Variants in BRD2 observed in about 807,000 individuals in gnomAD.
BRD2 encodes bromodomain-containing protein 2.
A neutral mutation model predicts 79.1 loss-of-function variants in BRD2; 15 were observed. The ratio of observed to expected loss-of-function variants is 0.19; its 90% CI spans 0.13 to 0.29. The LOEUF (loss-of-function observed/expected upper bound fraction) is 0.29. Ranked by LOEUF, BRD2 falls within the 10% of genes least tolerant of loss-of-function variation. The probability of loss-of-function intolerance (pLI) is 1.00; values close to 1 mark genes in which losing one functional copy is unlikely to be tolerated. For synonymous variants in BRD2, 488 were observed against 358.6 expected (o/e 1.36, Z -4.08); for missense variants, 1,053 against 991.3 (o/e 1.06, Z -0.84).
chr6:32,974,741 G>T lies in BRD2; in HGVS notation c.309G>T (p.Val103=), dbSNP rs772456832. ...TCGCATGGCCATTCCGGCAGCCTGTGGATGCTGTCAAACTGGGTCTACCGG... is the reference window on the plus strand; with the variant it reads ...TCGCATGGCCATTCCGGCAGCCTGTTGATGCTGTCAAACTGGGTCTACCGG... ...HQFAWPFRQP[V]DAVKLGLPDY... is the part of the protein sequence containing the mutation. The change falls in exon 3 of 13, where the codon GTG becomes GTT. Residue 103 remains valine, a synonymous_variant. Coordinates refer to ENST00000374825, the MANE Select transcript of BRD2 (RefSeq NM_005104.4). 6 of 1,614,000 alleles carry T rather than the reference G, an allele frequency of 3.7e-6. No homozygotes were observed. In the East Asian group the frequency reaches 1.3e-4, roughly 36 times the overall value.
chr6:32,969,234 G>A (rs766960809), intron 1 of BRD2, 178 bp downstream of exon 1: 4 of 619,338 alleles, frequency 6.5e-6, no homozygotes, highest in Admixed American at 2.4e-5. Context: ...AGGGCCATGG[G>A]GGGGGAGGGG....
intron 2 of BRD2, 95 bp from the exon 3 acceptor site, chr6:32,974,367 A>ACT: frequency 2.3e-6 from 3 of 1,324,046 alleles, no homozygotes; most frequent in Non-Finnish European, 3.1e-6. Flanking sequence ...TAACCACCTC[A>ACT]CTAGGGCCAG....
chr6:32,971,426 C>T (rs1206064253), intron 1 of BRD2, among the ~76,000 whole-genome samples, 169 bp from the exon 2 acceptor site: 1 of 152,086 alleles, frequency 6.6e-6, no homozygotes, highest in Non-Finnish European at 1.5e-5. Flanking sequence ...GTCTTTCCAT[C>T]GTTTGGCTTG....
In BRD2 at chr6:32,977,832, A is replaced by G. The variant is rs201908033; in HGVS notation, c.1405A>G (p.Met469Val). 4 of 1,613,000 alleles carry G rather than the reference A, an allele frequency of 2.5e-6. No homozygotes were observed. Among genetic ancestry groups the G allele is most frequent in the South Asian group, 2.2e-5 (2 of 91,090 alleles). Residue 469 changes from methionine to valine, a missense_variant, in exon 9 of 13, where the codon ATG becomes GTG. Coordinates refer to ENST00000374825, the MANE Select transcript of BRD2 (RefSeq NM_005104.4). ...EPGPLPVSTA[M>V]PPGLAKSSSE... ...AGGGCCTTTACCAGTCTCTACTGCC[A>G]TGCCCCCTGGCTTGGCCAAATCGTC...
chr6:32,974,602 C>T lies in BRD2; in HGVS notation c.170C>T (p.Thr57Ile), dbSNP rs572424072. Reference protein sequence around the residue: ...TMASVPALQLTPANPPPPEVS... With the variant: ...TMASVPALQLIPANPPPPEVS... ...GCTTCGGTGCCTGCTTTGCAACTTACCCCTGCCAACCCACCACCCCCGGAG... is the reference window on the plus strand; with the variant it reads ...GCTTCGGTGCCTGCTTTGCAACTTATCCCTGCCAACCCACCACCCCCGGAG... The change falls in exon 3 of 13, where the codon ACC becomes ATC. Residue 57 changes from threonine (T) to isoleucine (I), a missense_variant. This residue lies in a region of BRD2 where 413 missense variants were observed against 335.1 expected (regional missense o/e 1.23). Transcript: ENST00000374825. 8 of 1,614,232 alleles carry T rather than the reference C, an allele frequency of 5.0e-6. No homozygotes were observed. Among genetic ancestry groups the T allele is most frequent in the South Asian group, 4.4e-5 (4 of 91,086 alleles).
chr6:32,980,698 A>G lies in BRD2; in HGVS notation c.2386A>G (p.Ser796Gly). The G allele has an allele frequency of 6.2e-7, 1 of 1,612,986 alleles. No homozygotes were observed. Among genetic ancestry groups the G allele is most frequent in the Non-Finnish European group, 8.5e-7 (1 of 1,180,032 alleles). Reference protein sequence around the residue: ...SSSSSSSSDTSDSDSG With the variant: ...SSSSSSSSDTGDSDSG ...TTCCTCGTCGTCGTCTTCAGACACC[A>G]GTGATTCAGACTCAGGCTAAGGGGT... Residue 796 changes from serine to glycine, a missense_variant, in exon 13 of 13, where the codon AGT (serine) becomes GGT (glycine). By Grantham distance (56) the Ser-to-Gly change is moderately conservative. This residue lies in a region of BRD2 where 139 missense variants were observed against 133.2 expected (regional missense o/e 1.04). Transcript: ENST00000374825.
chr6:32,972,614 C>T lies in BRD2; in HGVS notation c.-285C>T, dbSNP rs1248188544. ...GACGACGGTGTCTGAGATCGGGGAC[C>T]GTCTTTTGAAGAGTCAGTCCCTCCT... On this transcript the variant is annotated 5_prime_UTR_variant, in exon 2 of 13. Transcript: ENST00000374825. The T allele has an allele frequency of 1.8e-5, 10 of 568,996 alleles. No homozygotes were observed. Among genetic ancestry groups the T allele is most frequent in the East Asian group, 9.0e-5 (3 of 33,496 alleles). The allele number at this position is 568,996 out of a possible 1,614,324, so 35.2% of individuals were successfully genotyped here.
At chr6:32,973,193 G>C in intron 2 of BRD2, 1 of 1,522,420 alleles carries the variant, frequency 6.6e-7, no homozygotes, top group Non-Finnish European at 8.9e-7. Context: ...GGCAGAGCTA[G>C]TTTGACGGTG....
chr6:32,980,668 T>A lies in BRD2; in HGVS notation c.2356T>A (p.Ser786Thr), dbSNP rs745345749. ...CAGCTCCAGCTCAGATTCCAGCTCC[T>A]CCTCTTCCTCGTCGTCGTCTTCAGA... ...ASSSSSDSSS[S>T]SSSSSSSDTS... Residue 786 changes from serine (S) to threonine (T), a missense_variant, in exon 13 of 13, where the codon TCC becomes ACC. Transcript: ENST00000374825. 8 of 1,613,004 alleles carry A rather than the reference T, an allele frequency of 5.0e-6. No individual in the cohort carries two copies. The highest frequency in any genetic ancestry group is 5.1e-6 in the Non-Finnish European group (6 of 1,180,038).
rs1023116604 is a variant in BRD2 at position 32,972,159 on chromosome 6, C to T, written c.-740C>T. ...CGCATGAGCGGCGAAGCTCCTCCTC[C>T]CCGCCTATATATAAAGGGCTGGCGC... On this transcript the variant is annotated 5_prime_UTR_variant, in exon 2 of 13. Transcript: ENST00000374825. 2 of 634,024 alleles carry T rather than the reference C, an allele frequency of 3.2e-6. No individual in the cohort carries two copies. The highest frequency in any genetic ancestry group is 1.8e-5 in the African/African-American group (1 of 55,292). The allele number at this position is 634,024 out of a possible 1,614,324, so 39.3% of individuals were successfully genotyped here. A position where few individuals can be genotyped will look rare whatever the true frequency, so the allele number is the denominator to read the frequency against.
At position 32,973,156 on chromosome 6, in the gene BRD2, C is replaced by T. The variant is rs569840028; in HGVS notation, c.29+229C>T. The stretch of plus-strand genomic sequence containing the variant: ...TTGTCAATTTATACGCTATTAATGC[C>T]GCCGTGGCCCAGTCTTAACCGAGTC... On this transcript the variant is annotated intron_variant, in intron 2 of 12. Transcript: ENST00000374825. 14 of 1,545,852 alleles carry T rather than the reference C, an allele frequency of 9.1e-6. No individual in the cohort carries two copies. In the African/African-American group the frequency reaches 1.4e-4, roughly 15 times the overall value.
rs1394099282 is a variant in BRD2 at position 32,971,727 on chromosome 6, C to T, written c.-1172C>T. 4 of 567,548 alleles carry T rather than the reference C, an allele frequency of 7.0e-6. No homozygotes were observed. The highest frequency in any genetic ancestry group is 3.4e-5 in the Admixed American group (1 of 29,696). The allele number at this position is 567,548 out of a possible 1,614,324, so 35.2% of individuals were successfully genotyped here. A position where few individuals can be genotyped will look rare whatever the true frequency, so the allele number is the denominator to read the frequency against. ...TTCCCTGCTTTGGCCAATGGAGGAGCTACGAATGGCACGACCTGCTCGAGC... is the reference window on the plus strand; with the variant it reads ...TTCCCTGCTTTGGCCAATGGAGGAGTTACGAATGGCACGACCTGCTCGAGC... On this transcript the variant is annotated 5_prime_UTR_variant, in exon 2 of 13. Transcript: ENST00000374825.
At chr6:32,975,782 A>AGT (rs1158865112) in intron 4 of BRD2, among the ~76,000 whole-genome samples, 4 of 152,172 alleles carry the variant, frequency 2.6e-5, no homozygotes, top group Non-Finnish European at 5.9e-5. Flanking sequence ...CAGAGACCTG[A>AGT]GTAGACCAGG....
chr6:32,974,399 T>C (rs1197909285), intron 2 of BRD2, 63 bp from the exon 3 acceptor site: 2 of 1,522,658 alleles, frequency 1.3e-6, no homozygotes, highest in Non-Finnish European at 1.8e-6. Context: ...ATCAGACTAT[T>C]GTGCAGATGC....
chr6:32,979,744 A>G (rs1005511965), intron 10 of BRD2, 84 bp from the exon 11 acceptor site: 3 of 1,472,982 alleles, frequency 2.0e-6, no homozygotes, highest in African/African-American at 1.4e-5. Flanking sequence ...TGGGCAGGAA[A>G]TAGGATCACT....
At chr6:32,969,197 G>T in intron 1 of BRD2, 141 bp downstream of exon 1, 1 of 552,340 alleles carries the variant, frequency 1.8e-6, no homozygotes, top group Non-Finnish European at 3.4e-6. Flanking sequence ...ACAGCCAATG[G>T]GAGCGTGGAG....
chr6:32,977,475 C>G lies in BRD2; in HGVS notation c.1234C>G (p.Gln412Glu). 2 of 1,614,000 alleles carry G rather than the reference C, an allele frequency of 1.2e-6. No individual in the cohort carries two copies. Among genetic ancestry groups the G allele is most frequent in the South Asian group, 1.1e-5 (1 of 91,090 alleles). The change falls in exon 8 of 13, where the codon CAG becomes GAG. Residue 412 changes from glutamine to glutamate, a missense_variant. Gln to Glu is a conservative substitution (Grantham distance 29). Transcript: ENST00000374825. ...GGAGAACCGTGATTACCGGGATGCA[C>G]AGGAGTTTGCTGCTGATGTACGGCT... ...KMENRDYRDA[Q>E]EFAADVRLMF...
intron 1 of BRD2, 104 bp downstream of exon 1, chr6:32,969,160 T>G: frequency 6.0e-6 from 3 of 499,872 alleles, no homozygotes; most frequent in Non-Finnish European, 1.1e-5. Flanking sequence ...ATCCTGAGAG[T>G]GGGAAGATTT....
intron 2 of BRD2, among the ~76,000 whole-genome samples, chr6:32,974,216 CAGAT>C (rs1364899595): frequency 1.3e-5 from 2 of 152,082 alleles, no homozygotes; most frequent in Admixed American, 6.5e-5. Context: ...TGAAAAAGAA[CAGAT>C]AGAGCCTATC....
Sources: allele counts gnomAD v4.1 joint callset (sites outside exome capture counted in the v4.1 genomes callset), GRCh38; gene constraint gnomAD v4.1.1; regional missense constraint gnomAD v4.1.1; transcripts MANE v1.5; gene names NCBI Gene and HGNC (gene_info 2026-07-23, HGNC 2026-07-21).